GOSR1: variants seen among roughly 807,000 people sequenced by gnomAD.
The protein encoded by GOSR1 is golgi SNAP receptor complex member 1.
In GOSR1, 21 loss-of-function variants were observed where a neutral mutation model predicts 35.5. The ratio of observed to expected loss-of-function variants is 0.59; its 90% CI spans 0.42 to 0.85. GOSR1 has a LOEUF of 0.85. Among genes scored for constraint, GOSR1 ranks in the 40% least tolerant of loss-of-function variants. GOSR1 has a pLI of 0.00. For missense variants in GOSR1, 285 were observed against 309.6 expected (o/e 0.92, Z 0.60); for synonymous variants, 94 against 106.6 (o/e 0.88, Z 0.73).
At chr17:30,493,197 A>T (rs1337420636) in intron 6 of GOSR1, among the ~76,000 whole-genome samples, 2 of 152,134 alleles carry the variant, frequency 1.3e-5, no homozygotes. Context: ...GAGTTTCGCC[A>T]TGTAGCCAGG....
At chr17:30,484,509 G>A (rs905878015) in intron 3 of GOSR1, among the ~76,000 whole-genome samples, 154 bp from the exon 4 acceptor site, 41 of 149,082 alleles carry the variant, frequency 2.8e-4, no homozygotes, top group African/African-American at 9.7e-4. Flanking sequence ...GGGGAATGCT[G>A]AATTCTTACT....
chr17:30,518,518 A>G (rs1394689794), intron 7 of GOSR1, among the ~76,000 whole-genome samples: 2 of 152,316 alleles, frequency 1.3e-5, no homozygotes, highest in African/African-American at 4.8e-5. Context: ...TCAACATGCA[A>G]AGCACTCCTC....
chr17:30,477,672 G>A (rs1456408433), intron 1 of GOSR1: 1 of 985,242 alleles, frequency 1.0e-6, no homozygotes, highest in Admixed American at 6.2e-5. Flanking sequence ...GTGTGAGCGG[G>A]ACGTGGGGCA....
In GOSR1 at chr17:30,524,813, A is replaced by G. The variant is rs781384450; in HGVS notation, c.*2435A>G. ...ACGTATGGGCAAAAGTTTAAGGACT[A>G]CTGCCTGATGTACCAGGAATCCTGA... On this transcript the variant is annotated 3_prime_UTR_variant, in exon 9 of 9. Transcript: ENST00000451249. 1 of 152,260 alleles carries G rather than the reference A, an allele frequency of 6.6e-6. No homozygotes were observed. The highest frequency in any genetic ancestry group is 1.5e-5 in the Non-Finnish European group (1 of 68,044). 9.4% of individuals were successfully genotyped at this position (152,260 alleles called of 1,614,324 possible). A position where few individuals can be genotyped will look rare whatever the true frequency, so the allele number is the denominator to read the frequency against.
chr17:30,519,063 ATCTTT>A (rs923058972), intron 7 of GOSR1, among the ~76,000 whole-genome samples: 30 of 151,976 alleles, frequency 2.0e-4, no homozygotes, highest in Admixed American at 3.9e-4. Context: ...TTTCTCTTTA[ATCTTT>A]TCTTTTTTTT....
chr17:30,504,458 A>T (rs1967329308), intron 6 of GOSR1, among the ~76,000 whole-genome samples: 1 of 152,232 alleles, frequency 6.6e-6, no homozygotes, highest in Admixed American at 6.5e-5. Context: ...AATTTCAGTG[A>T]CCATTTATCC....
At chr17:30,481,038 G>A (rs1914309506) in intron 1 of GOSR1, 105 bp from the exon 2 acceptor site, 1 of 749,122 alleles carries the variant, frequency 1.3e-6, no homozygotes, top group Admixed American at 2.0e-5. Flanking sequence ...GGGGTAACAA[G>A]ATCAGTATAT....
intron 5 of GOSR1, among the ~76,000 whole-genome samples, chr17:30,491,220 G>A (rs1358306290): frequency 6.6e-6 from 1 of 152,056 alleles, no homozygotes; most frequent in Non-Finnish European, 1.5e-5. Context: ...TAGACACTGA[G>A]CCCCCCCATA....
At position 30,522,451 on chromosome 17, in the gene GOSR1, A is replaced by G; in HGVS notation, c.*73A>G. On this transcript the variant is annotated 3_prime_UTR_variant, in exon 9 of 9. Coordinates refer to ENST00000451249, the MANE Select transcript of GOSR1 (RefSeq NM_001007025.2). Reference sequence around the variant, plus strand: ...TCTGGAATAAGGAAACATCGGAGGGAGAAGTTGACTGTCTTGATAATTAGC... The same window carrying G: ...TCTGGAATAAGGAAACATCGGAGGGGGAAGTTGACTGTCTTGATAATTAGC... The G allele has an allele frequency of 2.4e-6, 3 of 1,270,918 alleles. No homozygotes were observed. The highest frequency in any genetic ancestry group is 3.2e-6 in the Non-Finnish European group (3 of 930,916). The allele number at this position is 1,270,918 out of a possible 1,614,324, so 78.7% of individuals were successfully genotyped here.
At position 30,484,811 on chromosome 17, in the gene GOSR1, T is replaced by C. The variant is rs111589251; in HGVS notation, c.342+41T>C. ...CGAGATGTTTTCATTATCACAGGAG[T>C]TTGGGTTTTTTTTTTTTTAATCCCT... On this transcript the variant is annotated intron_variant, in intron 4 of 8. Coordinates refer to ENST00000451249, the MANE Select transcript of GOSR1 (RefSeq NM_001007025.2). The C allele has an allele frequency of 2.5e-5, 27 of 1,066,064 alleles. No individual in the cohort carries two copies. The African/African-American group carries it at 2.6e-4, about 10-fold the overall frequency. 66.0% of individuals were successfully genotyped at this position (1,066,064 alleles called of 1,614,324 possible).
At chr17:30,499,524 G>A (rs1029944600) in intron 6 of GOSR1, among the ~76,000 whole-genome samples, 9 of 152,050 alleles carry the variant, frequency 5.9e-5, no homozygotes, top group African/African-American at 2.2e-4. Context: ...TGTATTTTTA[G>A]TAGAGACGGG....
intron 8 of GOSR1, among the ~76,000 whole-genome samples, chr17:30,521,158 T>G (rs1433330815): frequency 7.6e-6 from 1 of 131,600 alleles, no homozygotes; most frequent in African/African-American, 2.7e-5. Context: ...TCCCATAAGT[T>G]CTCTCTCTCT....
intron 2 of GOSR1, among the ~76,000 whole-genome samples, chr17:30,482,085 T>G (rs1914393424): frequency 6.6e-6 from 1 of 152,086 alleles, no homozygotes. Flanking sequence ...AATTACTCAT[T>G]CCACTGAAGC....
chr17:30,482,964 T>C (rs1043997019), intron 2 of GOSR1: 2 of 152,150 alleles, frequency 1.3e-5, no homozygotes, highest in African/African-American at 4.8e-5. Flanking sequence ...CTTTGTAGAA[T>C]TACTTCAGCC....
At position 30,494,192 on chromosome 17, in the gene GOSR1, A is replaced by AACACACACACACAC. The variant is rs143873080; in HGVS notation, c.509+1449_509+1462dup. Among the ~76,000 whole-genome samples, 589 of 150,522 alleles carry AACACACACACACAC rather than the reference A, an allele frequency of 3.9e-3. 4 individuals are homozygous for AACACACACACACAC. Among genetic ancestry groups the AACACACACACACAC allele is most frequent in the African/African-American group, 0.013 (543 of 41,024 alleles). The stretch of plus-strand genomic sequence containing the variant: ...TTTTTGTAAATGAATGCCATACTTA[A>AACACACACACACAC]ACACACACACACACACACACACAAC... On this transcript the variant is annotated intron_variant, in intron 6 of 8. Coordinates refer to ENST00000451249, the MANE Select transcript of GOSR1 (RefSeq NM_001007025.2).
chr17:30,487,364 T>C (rs73279522), intron 4 of GOSR1, among the ~76,000 whole-genome samples: 8,990 of 152,116 alleles, frequency 0.059, 836 homozygotes, highest in African/African-American at 0.2. Context: ...GAGGTGAAAT[T>C]TGTAAACTTT....
intron 4 of GOSR1, among the ~76,000 whole-genome samples, chr17:30,488,410 T>C (rs9896063): frequency 0.6 from 90,266 of 151,336 alleles, 27,848 homozygotes; most frequent in East Asian, 0.83. Flanking sequence ...ATGATCCGCC[T>C]GCCTTGGCCT....
chr17:30,500,942 G>A (rs571696226), intron 6 of GOSR1, among the ~76,000 whole-genome samples: 34 of 150,690 alleles, frequency 2.3e-4, no homozygotes, highest in South Asian at 1.1e-3. Context: ...GTGCAGTGGC[G>A]GGATCTCGGC....
intron 7 of GOSR1, among the ~76,000 whole-genome samples, chr17:30,512,820 G>C (rs1176575030): frequency 2.0e-5 from 3 of 152,016 alleles, no homozygotes; most frequent in African/African-American, 7.2e-5. Flanking sequence ...CTAGGGCCAG[G>C]CTGCCTTAAT....
Sources: gnomAD v4.1 joint callset for allele counts (sites outside exome capture counted in the v4.1 genomes callset) on GRCh38, gnomAD v4.1.1 for gene constraint, MANE v1.5 for transcripts, NCBI Gene and HGNC (gene_info 2026-07-23, HGNC 2026-07-21) for gene names.